The following SPATS2 variants were observed in gnomAD, a reference collection of about 807,000 sequenced individuals.
The protein encoded by SPATS2 is spermatogenesis-associated serine-rich protein 2.
A neutral mutation model predicts 63.7 loss-of-function variants in SPATS2; 38 were observed. The observed-to-expected ratio is 0.60, with a 90% CI of 0.46 to 0.78. The LOEUF is 0.78. SPATS2 is among the 30% of genes least tolerant of loss of function. The pLI, the probability that SPATS2 is intolerant of heterozygous loss-of-function variation, is 0.00. For synonymous variants in SPATS2, 207 were observed against 232.9 expected, an observed-to-expected ratio of 0.89 and a Z score of 1.01; for missense variants, 588 against 666.2, an observed-to-expected ratio of 0.88 and a Z score of 1.29.
At position 49,467,215 on chromosome 12, in the gene SPATS2, A is replaced by ATTTTT. The variant is rs35462676; in HGVS notation, c.25+6194_25+6198dup. On this transcript the variant is annotated intron_variant, in intron 3 of 13. Transcript: ENST00000552918. ...AGGCCCACACCACCATGCCTGGCTA[A>ATTTTT]TTTTTTTTTTTTTTTTTTTTGTATT... Among the ~76,000 whole-genome samples the ATTTTT allele has an allele frequency of 3.1e-4, 37 of 119,924 alleles. No individual in the cohort carries two copies. The South Asian group carries it at 8.0e-3, about 26-fold the overall frequency. The allele number at this position is 119,924 out of a possible 152,430, so 78.7% of individuals were successfully genotyped here.
At chr12:49,409,642 G>A (rs1203987982) in intron 2 of SPATS2, among the ~76,000 whole-genome samples, 5 of 118,856 alleles carry the variant, frequency 4.2e-5, no homozygotes, top group East Asian at 4.9e-4. Flanking sequence ...TCCCTGTGTC[G>A]CCCAGGCAGG....
chr12:49,375,193 T>TG (rs1402672999), intron 2 of SPATS2, among the ~76,000 whole-genome samples: 38 of 79,166 alleles, frequency 4.8e-4, no homozygotes, highest in African/African-American at 1.9e-3. Flanking sequence ...TGTGTGTGTG[T>TG]GTGGTGGTAG....
intron 2 of SPATS2, among the ~76,000 whole-genome samples, chr12:49,430,143 C>T (rs191587670): frequency 6.7e-6 from 1 of 149,448 alleles, no homozygotes; most frequent in African/African-American, 2.5e-5. Context: ...CTCTGTCCCC[C>T]AGCCTGGAGT....
intron 2 of SPATS2, among the ~76,000 whole-genome samples, chr12:49,440,926 A>G (rs1293731487): frequency 3.3e-5 from 5 of 152,164 alleles, no homozygotes; most frequent in African/African-American, 1.2e-4. Flanking sequence ...CATGATGTTC[A>G]TTTGCCTTAT....
chr12:49,421,428 A>C lies in SPATS2; in HGVS notation c.-243-39342A>C, dbSNP rs182083181. The stretch of plus-strand genomic sequence containing the variant: ...CAAGACTTTGTCTCAAAAAAAAAAA[A>C]AAAAAAAAAAAAAAACAACCTTTGC... On this transcript the variant is annotated intron_variant, in intron 2 of 13. Coordinates refer to ENST00000552918, the MANE Select transcript of SPATS2 (RefSeq NM_023071.4). Among the ~76,000 whole-genome samples, 193 of 150,588 alleles carry C rather than the reference A, an allele frequency of 1.3e-3. 1 individual carries two copies. The highest frequency in any genetic ancestry group is 4.2e-3 in the African/African-American group (174 of 41,156).
At chr12:49,409,389 T>C (rs1418507679) in intron 2 of SPATS2, among the ~76,000 whole-genome samples, 1 of 152,004 alleles carries the variant, frequency 6.6e-6, no homozygotes, top group Non-Finnish European at 1.5e-5. Context: ...CACTGCAAGC[T>C]CCGCCTCCCG....
rs1363375363 is a variant in SPATS2 at position 49,378,603 on chromosome 12, A to AT, written c.-244+7323dup. Among the ~76,000 whole-genome samples, 399 of 147,414 alleles carry AT rather than the reference A, an allele frequency of 2.7e-3. 1 individual carries two copies. The highest frequency in any genetic ancestry group is 7.9e-3 in the African/African-American group (317 of 40,186). On this transcript the variant is annotated intron_variant, in intron 2 of 13. Coordinates refer to ENST00000552918, the MANE Select transcript of SPATS2 (RefSeq NM_023071.4). ...TGAGCCACCACGCCCGGCCAATTTT[A>AT]TTTTTTTTTTGAGACAGGGTCTAGC... is the stretch of plus-strand genomic sequence containing the variant.
intron 2 of SPATS2, among the ~76,000 whole-genome samples, chr12:49,413,854 T>C (rs1035648156): frequency 5.3e-5 from 8 of 152,136 alleles, no homozygotes; most frequent in African/African-American, 1.7e-4. Context: ...AGATAACCAC[T>C]GTATTCACTC....
chr12:49,518,923 A>C, intron 10 of SPATS2, 150 bp from the exon 11 acceptor site: 1 of 508,342 alleles, frequency 2.0e-6, no homozygotes, highest in East Asian at 3.3e-5. Flanking sequence ...AATGGAAGGT[A>C]GAGACCAGAC....
At chr12:49,397,020 T>C (rs1470300908) in intron 2 of SPATS2, among the ~76,000 whole-genome samples, 1 of 152,232 alleles carries the variant, frequency 6.6e-6, no homozygotes, top group African/African-American at 2.4e-5. Flanking sequence ...CTGGCACCAT[T>C]CCTACCCATG....
intron 2 of SPATS2, among the ~76,000 whole-genome samples, chr12:49,400,707 T>C (rs1313283459): frequency 6.6e-6 from 1 of 152,050 alleles, no homozygotes; most frequent in African/African-American, 2.4e-5. Context: ...GAAATGTTCA[T>C]TGATAGCTTG....
intron 2 of SPATS2, among the ~76,000 whole-genome samples, chr12:49,428,030 C>T (rs1257585693): frequency 1.3e-5 from 2 of 151,568 alleles, no homozygotes; most frequent in African/African-American, 2.4e-5. Context: ...CCGAGGTGGG[C>T]GGATCACGAG....
intron 9 of SPATS2, among the ~76,000 whole-genome samples, chr12:49,505,503 G>A (rs1221209731): frequency 6.6e-6 from 1 of 152,020 alleles, no homozygotes; most frequent in Non-Finnish European, 1.5e-5. Context: ...GCAGAAACTA[G>A]TTGAGCATCC....
intron 2 of SPATS2, among the ~76,000 whole-genome samples, chr12:49,429,548 C>A (rs1160931155): frequency 6.6e-6 from 1 of 150,678 alleles, no homozygotes. Flanking sequence ...GGGGTTCAAG[C>A]GATTCTCCTG....
intron 2 of SPATS2, among the ~76,000 whole-genome samples, chr12:49,420,491 G>A (rs774782912): frequency 9.2e-5 from 14 of 152,180 alleles, no homozygotes; most frequent in Non-Finnish European, 1.5e-4. Flanking sequence ...CTACTTGGGA[G>A]GCTGAGGCAG....
chr12:49,442,859 C>G (rs970318431), intron 2 of SPATS2, among the ~76,000 whole-genome samples: 8 of 142,108 alleles, frequency 5.6e-5, no homozygotes, highest in African/African-American at 2.0e-4. Context: ...GTCCAGAACT[C>G]TTCATTTTGC....
At chr12:49,434,297 A>G (rs551948903) in intron 2 of SPATS2, among the ~76,000 whole-genome samples, 45 of 152,286 alleles carry the variant, frequency 3.0e-4, no homozygotes, top group African/African-American at 1.0e-3. Flanking sequence ...TATACATAAC[A>G]TAATATTTAT....
intron 2 of SPATS2, among the ~76,000 whole-genome samples, chr12:49,442,890 A>C (rs936110689): frequency 6.7e-6 from 1 of 148,574 alleles, no homozygotes; most frequent in South Asian, 2.1e-4. Context: ...CTCTTTATTC[A>C]TTAAACATCC....
chr12:49,523,951 C>CAA (rs1038093822), intron 12 of SPATS2, among the ~76,000 whole-genome samples: 1 of 130,104 alleles, frequency 7.7e-6, no homozygotes. Flanking sequence ...GACTCCGGAT[C>CAA]AAAAAAAAAA....
Sources: gnomAD v4.1 joint callset for allele counts (sites outside exome capture counted in the v4.1 genomes callset) on GRCh38, gnomAD v4.1.1 for gene constraint, MANE v1.5 for transcripts, NCBI Gene and HGNC (gene_info 2026-07-23, HGNC 2026-07-21) for gene names.